The following TMPRSS11D variants were observed in gnomAD, a reference collection of about 807,000 sequenced individuals.
TMPRSS11D encodes transmembrane serine protease 11D, also known as transmembrane protease serine 11D.
In TMPRSS11D, 32 loss-of-function variants were observed where a neutral mutation model predicts 44.4. The observed-to-expected ratio is 0.72, with a 90% CI of 0.54 to 0.97. TMPRSS11D has a LOEUF of 0.97. Ranked by LOEUF, TMPRSS11D falls within the 50% of genes least tolerant of loss-of-function variation. The pLI, the probability that TMPRSS11D is intolerant of heterozygous loss-of-function variation, is 0.00. For synonymous variants in TMPRSS11D, 179 were observed against 177.9 expected (o/e 1.01, Z -0.05); for missense variants, 446 against 502.6 (o/e 0.89, Z 1.08).
chr4:67,858,550 A>G (rs1477489274), intron 2 of TMPRSS11D, among the ~76,000 whole-genome samples: 1 of 152,146 alleles, frequency 6.6e-6, no homozygotes, highest in Non-Finnish European at 1.5e-5. Context: ...TAATGTTGGT[A>G]ATTTTATTGC....
rs1046205752 is a variant in TMPRSS11D at position 67,855,033 on chromosome 4, G to A, written c.131-847C>T. Among the ~76,000 whole-genome samples, 6 of 152,094 alleles carry A rather than the reference G, an allele frequency of 3.9e-5. 1 individual carries two copies. Among genetic ancestry groups the A allele is most frequent in the Admixed American group, 3.9e-4 (6 of 15,270 alleles). On this transcript the variant is annotated intron_variant, in intron 2 of 9. Transcript: ENST00000283916. ...GCACTTTGGGAGGCCAAGGTGGGTG[G>A]ATCACGAGGTCCGGAGTTCGAGACC...
At chr4:67,865,962 T>G (rs1212117232) in intron 1 of TMPRSS11D, among the ~76,000 whole-genome samples, 1 of 151,832 alleles carries the variant, frequency 6.6e-6, no homozygotes, top group East Asian at 1.9e-4. Flanking sequence ...TCCAAAATAT[T>G]GAGGAGGAGG....
At chr4:67,825,705 A>T in intron 9 of TMPRSS11D, 27 bp downstream of exon 9, 1 of 1,610,568 alleles carries the variant, frequency 6.2e-7, no homozygotes, top group African/African-American at 1.3e-5. Context: ...TTGGATGATG[A>T]CATGGATGAG....
chr4:67,855,010 ACTT>A (rs58841172), intron 2 of TMPRSS11D, among the ~76,000 whole-genome samples: 92,288 of 151,638 alleles, frequency 0.61, 28,651 homozygotes, highest in East Asian at 0.88. Flanking sequence ...TAATCCCAGC[ACTT>A]TGGGAGGCCA....
At position 67,851,373 on chromosome 4, in the gene TMPRSS11D, C is replaced by T. The variant is rs80126620; in HGVS notation, c.249+2695G>A. ...ATAAATTTCACTCATCTCCCAATTT[C>T]GGACTGCACTCCTGTGTAAAGGCAG... On this transcript the variant is annotated intron_variant, in intron 3 of 9. Coordinates refer to ENST00000283916, the MANE Select transcript of TMPRSS11D (RefSeq NM_004262.3). 3.6e-3 allele frequency among the ~76,000 whole-genome samples: 547 copies of T among 152,172 alleles called. 2 individuals carry two copies. The highest frequency in any genetic ancestry group is 0.012 in the African/African-American group (508 of 41,576).
chr4:67,869,649 G>C (rs1719008958), intron 1 of TMPRSS11D, among the ~76,000 whole-genome samples: 1 of 152,098 alleles, frequency 6.6e-6, no homozygotes, highest in South Asian at 2.1e-4. Flanking sequence ...ATGAAATTTG[G>C]TCTGTACTTC....
chr4:67,827,522 T>A lies in TMPRSS11D; in HGVS notation c.693-2A>T. Reference sequence around the variant, plus strand: ...ATCCAGTCACGAGGATTAGAGTTGCTAAAACATTATGAAAACATGCTATAT... The same window carrying A: ...ATCCAGTCACGAGGATTAGAGTTGCAAAAACATTATGAAAACATGCTATAT... On this transcript the variant is annotated splice_acceptor_variant, in intron 7 of 9. Transcript: ENST00000283916. LOFTEE classifies it high-confidence loss of function. The A allele has an allele frequency of 6.3e-7, 1 of 1,582,690 alleles. No individual in the cohort carries two copies. The highest frequency in any genetic ancestry group is 8.6e-7 in the Non-Finnish European group (1 of 1,165,038).
chr4:67,857,270 GGT>G (rs1491451759), intron 2 of TMPRSS11D, among the ~76,000 whole-genome samples: 8 of 82,532 alleles, frequency 9.7e-5, no homozygotes, highest in Non-Finnish European at 1.9e-4. Context: ...AAGAAAATAT[GGT>G]ATATATATAT....
At chr4:67,824,121 T>G (rs1717722811) in intron 9 of TMPRSS11D, among the ~76,000 whole-genome samples, 1 of 135,518 alleles carries the variant, frequency 7.4e-6, no homozygotes, top group African/African-American at 2.8e-5. Context: ...CTGTAAGCTC[T>G]TATGTAAAGT....
intron 9 of TMPRSS11D, 129 bp from the exon 10 acceptor site, chr4:67,822,627 T>G: frequency 1.0e-6 from 1 of 995,684 alleles, no homozygotes; most frequent in Non-Finnish European, 1.4e-6. Flanking sequence ...TATTTCCTTT[T>G]GAAATATTAT....
At chr4:67,883,741 G>A (rs566107996) in intron 1 of TMPRSS11D, among the ~76,000 whole-genome samples, 185 bp downstream of exon 1, 1 of 152,126 alleles carries the variant, frequency 6.6e-6, no homozygotes, top group South Asian at 2.1e-4. Context: ...AAGCAACTAT[G>A]TACCTTATGA....
chr4:67,846,737 T>C (rs1718367363), intron 3 of TMPRSS11D, among the ~76,000 whole-genome samples: 1 of 152,194 alleles, frequency 6.6e-6, no homozygotes, highest in Non-Finnish European at 1.5e-5. Flanking sequence ...TTATAGTTAA[T>C]CTTTTCTCCC....
chr4:67,868,507 T>C (rs752588317), intron 1 of TMPRSS11D, among the ~76,000 whole-genome samples: 3 of 152,172 alleles, frequency 2.0e-5, no homozygotes, highest in African/African-American at 4.8e-5. Context: ...ACATGTGACA[T>C]GTGAGCTATG....
At chr4:67,839,205 T>A (rs1267294153) in intron 4 of TMPRSS11D, 3 of 152,144 alleles carry the variant, frequency 2.0e-5, no homozygotes, top group Non-Finnish European at 4.4e-5. Context: ...GATAAACAAC[T>A]TCTTGTGCTA....
chr4:67,822,224 A>T lies in TMPRSS11D; in HGVS notation c.*113T>A. ...GTTTGTTAAACCATATTTATGTAAC[A>T]AGATGTTAAATTAGGACATTTCTAG... On this transcript the variant is annotated 3_prime_UTR_variant, in exon 10 of 10. Transcript: ENST00000283916. 1 of 1,177,882 alleles carries T rather than the reference A, an allele frequency of 8.5e-7. No homozygotes were observed. The highest frequency in any genetic ancestry group is 2.2e-5 in the Admixed American group (1 of 46,268). 73.0% of individuals were successfully genotyped at this position (1,177,882 alleles called of 1,614,324 possible).
chr4:67,868,072 A>G (rs767079860), intron 1 of TMPRSS11D, among the ~76,000 whole-genome samples: 2 of 152,052 alleles, frequency 1.3e-5, no homozygotes, highest in African/African-American at 2.4e-5. Context: ...CTAAGTGTCT[A>G]TCAACAGATC....
chr4:67,849,478 C>T (rs1718441823), intron 3 of TMPRSS11D, among the ~76,000 whole-genome samples: 1 of 151,908 alleles, frequency 6.6e-6, no homozygotes, highest in Non-Finnish European at 1.5e-5. Flanking sequence ...TGAGGTGTTT[C>T]AATATTTAAT....
At chr4:67,858,308 A>C (rs746794495) in intron 2 of TMPRSS11D, among the ~76,000 whole-genome samples, 6 of 152,176 alleles carry the variant, frequency 3.9e-5, no homozygotes, top group African/African-American at 7.2e-5. Flanking sequence ...CACAGTTTGC[A>C]GATGACTTAC....
chr4:67,851,765 G>A (rs952869716), intron 3 of TMPRSS11D, among the ~76,000 whole-genome samples: 9 of 152,158 alleles, frequency 5.9e-5, no homozygotes, highest in Non-Finnish European at 1.0e-4. Flanking sequence ...ATTATCTACC[G>A]AAGTTAGACA....
Sources: allele counts gnomAD v4.1 joint callset (sites outside exome capture counted in the v4.1 genomes callset), GRCh38; gene constraint gnomAD v4.1.1; transcripts MANE v1.5; gene names NCBI Gene and HGNC (gene_info 2026-07-23, HGNC 2026-07-21).